The following CALN1 variants were observed in gnomAD, a reference collection of about 807,000 sequenced individuals.
CALN1 encodes the protein calneuron 1.
A neutral mutation model predicts 30.6 loss-of-function variants in CALN1; 17 were observed. The ratio of observed to expected loss-of-function variants is 0.56; its 90% CI spans 0.38 to 0.83. The LOEUF (loss-of-function observed/expected upper bound fraction) is 0.83, where lower values mean the gene tolerates loss of function less well. Ranked by LOEUF, CALN1 falls within the 40% of genes least tolerant of loss-of-function variation. The pLI, the probability that CALN1 is intolerant of heterozygous loss-of-function variation, is 0.00. For synonymous variants in CALN1, 156 were observed against 131.4 expected (o/e 1.19, Z -1.28); for missense variants, 291 against 354.9 (o/e 0.82, Z 1.45).
chr7:72,426,223 C>T (rs907381563), intron 1 of CALN1, among the ~76,000 whole-genome samples: 4 of 152,226 alleles, frequency 2.6e-5, no homozygotes, highest in East Asian at 1.9e-4. Flanking sequence ...CAGCCCAAGG[C>T]GGCTGGCCCA....
At chr7:72,204,563 G>A (rs1791693630) in intron 3 of CALN1, among the ~76,000 whole-genome samples, 1 of 152,098 alleles carries the variant, frequency 6.6e-6, no homozygotes. Flanking sequence ...AGTTCACGAG[G>A]TAAAATTTCC....
chr7:72,212,268 G>A (rs1792460877), intron 3 of CALN1, among the ~76,000 whole-genome samples: 1 of 149,004 alleles, frequency 6.7e-6, no homozygotes, highest in African/African-American at 2.5e-5. Context: ...GGAATTGCCT[G>A]AACCCACGAG....
intron 2 of CALN1, among the ~76,000 whole-genome samples, chr7:72,301,086 G>A (rs1018152266): frequency 6.6e-6 from 1 of 152,154 alleles, no homozygotes; most frequent in Non-Finnish European, 1.5e-5. Flanking sequence ...AGGGCAGGAT[G>A]AATTCATCCA....
intron 3 of CALN1, among the ~76,000 whole-genome samples, chr7:72,251,295 A>G (rs10243740): frequency 0.19 from 28,729 of 151,902 alleles, 3,770 homozygotes; most frequent in East Asian, 0.43. Context: ...CCTTTATTAT[A>G]CTATCTATCC....
At chr7:72,236,424 C>T (rs574440609) in intron 3 of CALN1, among the ~76,000 whole-genome samples, 8 of 152,316 alleles carry the variant, frequency 5.3e-5, no homozygotes, top group South Asian at 2.1e-4. Context: ...GGTCTCTCAT[C>T]GAGCAAGTTC....
chr7:72,410,717 T>C (rs1014208648), intron 1 of CALN1, among the ~76,000 whole-genome samples: 1 of 152,134 alleles, frequency 6.6e-6, no homozygotes, highest in Admixed American at 6.5e-5. Context: ...TAAATTAACA[T>C]TGAAAATCAG....
At position 72,205,568 on chromosome 7, in the gene CALN1, G is replaced by C. The variant is rs12113595; in HGVS notation, c.244+73118C>G. 3.3e-5 allele frequency among the ~76,000 whole-genome samples: 3 copies of C among 91,810 alleles called. 1 individual carries two copies. Among genetic ancestry groups the C allele is most frequent in the Non-Finnish European group, 5.5e-5 (3 of 54,268 alleles). 60.2% of individuals were successfully genotyped at this position (91,810 alleles called of 152,430 possible). A position where few individuals can be genotyped will look rare whatever the true frequency, so the allele number is the denominator to read the frequency against. ...AAAAAAAAAATATATATATATATAT[G>C]TATATATATATATATATATTCAGGA... On this transcript the variant is annotated intron_variant, in intron 3 of 6. Transcript: ENST00000395275.
At chr7:71,866,848 GA>G (rs1791614398) in intron 5 of CALN1, among the ~76,000 whole-genome samples, 1 of 152,090 alleles carries the variant, frequency 6.6e-6, no homozygotes, top group South Asian at 2.1e-4. Context: ...TTGTCTACTA[GA>G]AAATCTAAGG....
At chr7:72,264,981 T>A (rs1796512784) in intron 3 of CALN1, among the ~76,000 whole-genome samples, 1 of 152,118 alleles carries the variant, frequency 6.6e-6, no homozygotes, top group African/African-American at 2.4e-5. Flanking sequence ...GATAATGGCC[T>A]TCAGCTCCAT....
intron 5 of CALN1, among the ~76,000 whole-genome samples, chr7:71,875,623 A>T (rs1362312434): frequency 6.6e-6 from 1 of 152,206 alleles, no homozygotes; most frequent in Non-Finnish European, 1.5e-5. Flanking sequence ...AACATGCCCC[A>T]GATCCTCTGC....
chr7:72,111,781 C>T (rs12535265), intron 3 of CALN1, among the ~76,000 whole-genome samples: 26,039 of 149,570 alleles, frequency 0.17, 2,792 homozygotes, highest in East Asian at 0.28. Flanking sequence ...GATGGCGTCT[C>T]GCTCTGTCAC....
intron 3 of CALN1, among the ~76,000 whole-genome samples, chr7:72,206,763 C>T (rs994084372): frequency 2.0e-5 from 3 of 152,112 alleles, no homozygotes; most frequent in Non-Finnish European, 2.9e-5. Context: ...TTTCACATTG[C>T]AGATTTGTTT....
At chr7:72,027,479 G>C (rs1387177722) in intron 4 of CALN1, among the ~76,000 whole-genome samples, 1 of 152,114 alleles carries the variant, frequency 6.6e-6, no homozygotes, top group East Asian at 1.9e-4. Flanking sequence ...GGGAGGCCGA[G>C]GAGGGTGGAT....
At chr7:72,390,952 C>T (rs141377444) in intron 2 of CALN1, among the ~76,000 whole-genome samples, 1 of 152,134 alleles carries the variant, frequency 6.6e-6, no homozygotes, top group African/African-American at 2.4e-5. Context: ...GGGATCCATG[C>T]ACCAAAAGTA....
At chr7:71,916,248 A>G (rs1361507169) in intron 5 of CALN1, among the ~76,000 whole-genome samples, 2 of 152,048 alleles carry the variant, frequency 1.3e-5, no homozygotes, top group Non-Finnish European at 2.9e-5. Flanking sequence ...CTGTTAGTCA[A>G]TCAAACATTC....
chr7:72,179,447 G>A lies in CALN1; in HGVS notation c.245-73153C>T, dbSNP rs372695485. Among the ~76,000 whole-genome samples, 21 of 152,058 alleles carry A rather than the reference G, an allele frequency of 1.4e-4. No individual in the cohort carries two copies. In the East Asian group the frequency reaches 1.9e-3, roughly 14 times the overall value. On this transcript the variant is annotated intron_variant, in intron 3 of 6. Coordinates refer to ENST00000395275, the MANE Select transcript of CALN1 (RefSeq NM_031468.4). ...GTCACTAAACACTTATGTCTGCATCGGAGTTTCCATCAGCCAAAACCAGCA... is the reference window on the plus strand; with the variant it reads ...GTCACTAAACACTTATGTCTGCATCAGAGTTTCCATCAGCCAAAACCAGCA...
intron 3 of CALN1, among the ~76,000 whole-genome samples, chr7:72,216,844 C>T (rs894128010): frequency 4.6e-5 from 7 of 152,110 alleles, no homozygotes; most frequent in Non-Finnish European, 7.4e-5. Context: ...CTCAACTTCT[C>T]CACCTGAAGT....
At chr7:72,486,904 T>C in the CALN1 span, among the ~76,000 whole-genome samples, 1 of 152,192 alleles carries the variant, frequency 6.6e-6, no homozygotes, top group Admixed American at 6.5e-5. Context: ...TATATAGTTA[T>C]AGAATGCAAC....
intron 5 of CALN1, among the ~76,000 whole-genome samples, chr7:71,836,167 TG>T (rs1343241038): frequency 6.6e-6 from 1 of 152,226 alleles, no homozygotes; most frequent in Non-Finnish European, 1.5e-5. Flanking sequence ...GAGCCCAGCC[TG>T]GATCAACCGG....
Sources: allele counts gnomAD v4.1 joint callset (sites outside exome capture counted in the v4.1 genomes callset), GRCh38; gene constraint gnomAD v4.1.1; transcripts MANE v1.5; gene names NCBI Gene and HGNC (gene_info 2026-07-23, HGNC 2026-07-21).